TTI1: variants seen among roughly 807,000 people sequenced by gnomAD.
TTI1 encodes TELO2 interacting protein 1.
TTI1 carries 52 observed loss-of-function variants against 85.4 expected under a neutral mutation model. The ratio of observed to expected loss-of-function variants is 0.61; its 90% CI spans 0.49 to 0.77. The LOEUF is 0.77. Ranked by LOEUF, TTI1 falls within the 30% of genes least tolerant of loss-of-function variation. TTI1 has a pLI of 0.00. For synonymous variants in TTI1, 512 were observed against 503.9 expected, an observed-to-expected ratio of 1.02 and a Z score of -0.22; for missense variants, 1,173 against 1,296.0, an observed-to-expected ratio of 0.91 and a Z score of 1.46.
chr20:37,997,097 G>T, intron 5 of TTI1, 144 bp from the exon 6 acceptor site: 1 of 978,032 alleles, frequency 1.0e-6, no homozygotes, highest in Non-Finnish European at 1.5e-6. Context: ...CTTGCCCATG[G>T]TTTGTGATTC....
chr20:38,013,085 GCTCA>G lies in TTI1; in HGVS notation c.728_731del (p.Val243AlafsTer25), dbSNP rs1460471720. 1.9e-6 allele frequency: 3 copies of G among 1,614,158 alleles called. No homozygotes were observed. Among genetic ancestry groups the G allele is most frequent in the South Asian group, 1.1e-5 (1 of 91,084 alleles). The stretch of plus-strand genomic sequence containing the variant: ...TGAGCTGTTCATCAGCCATAATGAA[GCTCA>G]CTGTCTTGTAAAAGATCTTTAGGGA... On this transcript the variant is annotated frameshift_variant, in exon 2 of 8. Coordinates refer to ENST00000373447, the MANE Select transcript of TTI1 (RefSeq NM_001303457.2). LOFTEE classifies it high-confidence loss of function.
chr20:38,020,323 A>AAAAAATATATAT, intron 1 of TTI1, among the ~76,000 whole-genome samples: 66 of 50,372 alleles, frequency 1.3e-3, no homozygotes, highest in Non-Finnish European at 2.0e-3. Flanking sequence ...AAAAAAAAAA[A>AAAAAATATATAT]ATATATATAT....
chr20:38,017,346 C>T (rs898532418), intron 1 of TTI1, among the ~76,000 whole-genome samples: 1 of 151,716 alleles, frequency 6.6e-6, no homozygotes, highest in African/African-American at 2.4e-5. Context: ...GTGGAAGCAA[C>T]AAGGACTAGA....
intron 3 of TTI1, among the ~76,000 whole-genome samples, chr20:38,005,042 C>T (rs1431499569): frequency 1.3e-5 from 2 of 152,034 alleles, no homozygotes; most frequent in East Asian, 3.9e-4. Context: ...GCCTTTTCTG[C>T]TATTTAGAAG....
chr20:38,022,417 C>A (rs1311656781), intron 1 of TTI1, among the ~76,000 whole-genome samples: 3 of 152,188 alleles, frequency 2.0e-5, no homozygotes, highest in Non-Finnish European at 2.9e-5. Flanking sequence ...TGTTTCTCTC[C>A]TTTCACTAGA....
chr20:38,021,187 G>C (rs908173331), intron 1 of TTI1, among the ~76,000 whole-genome samples: 1 of 152,184 alleles, frequency 6.6e-6, no homozygotes, highest in Non-Finnish European at 1.5e-5. Flanking sequence ...ATCTTCAAAA[G>C]TCTGGGTTAT....
rs530730096 is a variant in TTI1 at position 37,994,197 on chromosome 20, G to A, written c.3086+2178C>T. ...CACCTAGGCTGGAGTACAGTGGTGC[G>A]GTCTTGGCTCACTGCAACATCCGCC... is the stretch of plus-strand genomic sequence containing the variant. On this transcript the variant is annotated intron_variant, in intron 7 of 7. Transcript: ENST00000373447. Among the ~76,000 whole-genome samples the A allele has an allele frequency of 5.2e-4, 79 of 152,232 alleles. No homozygotes were observed. In the South Asian group the frequency reaches 0.013, roughly 25 times the overall value.
chr20:37,985,275 A>C, intron 7 of TTI1, among the ~76,000 whole-genome samples: 1 of 152,162 alleles, frequency 6.6e-6, no homozygotes, highest in East Asian at 1.9e-4. Flanking sequence ...TCTATTTGAT[A>C]AATCACATTT....
intron 1 of TTI1, among the ~76,000 whole-genome samples, chr20:38,031,557 GTTAC>G (rs1313453610): frequency 1.3e-5 from 2 of 152,154 alleles, no homozygotes; most frequent in South Asian, 4.1e-4. Flanking sequence ...TTTTATTGAA[GTTAC>G]TTACCACTTT....
intron 4 of TTI1, chr20:38,000,539 C>T (rs898337191): frequency 2.9e-5 from 2 of 70,168 alleles, no homozygotes; most frequent in African/African-American, 5.3e-5. Flanking sequence ...GCGAGGCACT[C>T]GTTAGTCTGC....
At chr20:38,005,129 A>C (rs933390369) in intron 3 of TTI1, among the ~76,000 whole-genome samples, 1 of 152,180 alleles carries the variant, frequency 6.6e-6, no homozygotes, top group Non-Finnish European at 1.5e-5. Context: ...GTTCACCAGA[A>C]TCTCACAGTG....
chr20:37,983,172 T>G lies in TTI1; in HGVS notation c.*284A>C. 1 of 324,870 alleles carries G rather than the reference T, an allele frequency of 3.1e-6. No homozygotes were observed. The highest frequency in any genetic ancestry group is 5.8e-6 in the Non-Finnish European group (1 of 171,814). The allele number at this position is 324,870 out of a possible 1,614,324, so 20.1% of individuals were successfully genotyped here. A position where few individuals can be genotyped will look rare whatever the true frequency, so the allele number is the denominator to read the frequency against. ...CTTGTGTGTGTGTGTGTGTGGCCTG[T>G]GAGGGAGCTGGGGCTATAGAGATGG... On this transcript the variant is annotated 3_prime_UTR_variant, in exon 8 of 8. Transcript: ENST00000373447.
intron 5 of TTI1, among the ~76,000 whole-genome samples, chr20:37,997,682 G>C (rs913656288): frequency 6.6e-6 from 1 of 152,186 alleles, no homozygotes; most frequent in Non-Finnish European, 1.5e-5. Flanking sequence ...CACAGTGTTT[G>C]CTCATTTTGC....
intron 7 of TTI1, among the ~76,000 whole-genome samples, chr20:37,985,710 T>C (rs993984049): frequency 4.6e-5 from 7 of 152,050 alleles, no homozygotes; most frequent in Non-Finnish European, 1.0e-4. Context: ...GTATTTTTAG[T>C]AGAGACGGGG....
rs765410640 is a variant in TTI1, at chr20:37,983,601, G to A, written c.3125C>T (p.Thr1042Ile). The part of the protein sequence containing the change: ...LHLMKVDPDS[T>I]WFLLNELYCP... Reference sequence around the variant, plus strand: ...GTAAAGCTCGTTCAGGAGGAACCAGGTGGAGTCTGGGTCCACCTTCATCAA... The same window carrying A: ...GTAAAGCTCGTTCAGGAGGAACCAGATGGAGTCTGGGTCCACCTTCATCAA... Residue 1042 changes from threonine (T) to isoleucine (I), a missense_variant, in exon 8 of 8, where the codon ACC becomes ATC. Physicochemically the swap from Thr to Ile is moderately conservative, Grantham distance 89. Coordinates refer to ENST00000373447, the MANE Select transcript of TTI1 (RefSeq NM_001303457.2). 6.4e-7 allele frequency: 1 copy of A among 1,556,832 alleles called. No homozygotes were observed. The highest frequency in any genetic ancestry group is 2.3e-5 in the East Asian group (1 of 42,888).
In TTI1 at chr20:37,983,595, A is replaced by G. The variant is rs2073151178; in HGVS notation, c.3131T>C (p.Phe1044Ser). 17 of 1,563,326 alleles carry G rather than the reference A, an allele frequency of 1.1e-5. No homozygotes were observed. The highest frequency in any genetic ancestry group is 1.5e-5 in the Non-Finnish European group (17 of 1,154,102). Residue 1044 changes from phenylalanine (F) to serine (S), a missense_variant, in exon 8 of 8, where the codon TTC (phenylalanine) becomes TCC (serine). Coordinates refer to ENST00000373447, the MANE Select transcript of TTI1 (RefSeq NM_001303457.2). ...LMKVDPDSTW[F>S]LLNELYCPVQ... The stretch of plus-strand genomic sequence containing the variant: ...GGGGCAGTAAAGCTCGTTCAGGAGG[A>G]ACCAGGTGGAGTCTGGGTCCACCTT...
chr20:38,019,848 A>G (rs141576881), intron 1 of TTI1, among the ~76,000 whole-genome samples: 48 of 152,324 alleles, frequency 3.2e-4, no homozygotes, highest in African/African-American at 1.1e-3. Flanking sequence ...TTGGCCATCC[A>G]TCTATCTGCT....
chr20:37,987,166 T>C (rs902782749), intron 7 of TTI1: 17 of 456,646 alleles, frequency 3.7e-5, no homozygotes, highest in Admixed American at 7.0e-5. Flanking sequence ...AGGTCTGATC[T>C]GAGTCCTTAG....
intron 2 of TTI1, among the ~76,000 whole-genome samples, chr20:38,009,303 C>T (rs968656033): frequency 6.6e-6 from 1 of 152,128 alleles, no homozygotes; most frequent in Non-Finnish European, 1.5e-5. Flanking sequence ...GGCTGACTCC[C>T]CAGTGACTAG....
Sources: allele counts gnomAD v4.1 joint callset (sites outside exome capture counted in the v4.1 genomes callset), GRCh38; gene constraint gnomAD v4.1.1; transcripts MANE v1.5; gene names NCBI Gene and HGNC (gene_info 2026-07-23, HGNC 2026-07-21).